The following AGO2 variants were observed in gnomAD, a reference collection of about 807,000 sequenced individuals.
The protein encoded by AGO2 is protein argonaute-2.
AGO2 carries 5 observed loss-of-function variants against 102.3 expected under a neutral mutation model. The ratio of observed to expected loss-of-function variants is 0.05; its 90% CI spans 0.03 to 0.10. The LOEUF (loss-of-function observed/expected upper bound fraction) is 0.10. AGO2 is among the 10% of genes least tolerant of loss of function. AGO2 has a pLI of 1.00. For synonymous variants in AGO2, 449 were observed against 473.1 expected (o/e 0.95, Z 0.66); for missense variants, 541 against 1,183.7 (o/e 0.46, Z 7.97).
intron 1 of AGO2, among the ~76,000 whole-genome samples, chr8:140,610,128 C>T (rs930500049): frequency 2.6e-5 from 4 of 151,766 alleles, no homozygotes; most frequent in African/African-American, 9.7e-5. Context: ...TTGCTTGAGC[C>T]AGGGATGTTG....
At position 140,524,972 on chromosome 8, in the gene AGO2, G is replaced by A. The variant is rs1470705594; in HGVS notation, c.*7072C>T. On this transcript the variant is annotated 3_prime_UTR_variant, in exon 19 of 19. Transcript: ENST00000220592. ...GAAAGAGTTAATATTTGGTGTTTTA[G>A]CTTTAACTCTGAACTACTTAAATCC... The A allele has an allele frequency of 6.6e-6, 1 of 152,148 alleles. No homozygotes were observed. The highest frequency in any genetic ancestry group is 1.5e-5 in the Non-Finnish European group (1 of 68,028). The allele number at this position is 152,148 out of a possible 1,614,324, so 9.4% of individuals were successfully genotyped here. A position where few individuals can be genotyped will look rare whatever the true frequency, so the allele number is the denominator to read the frequency against.
chr8:140,604,847 C>T (rs2073975825), intron 1 of AGO2, among the ~76,000 whole-genome samples: 1 of 151,102 alleles, frequency 6.6e-6, no homozygotes, highest in Non-Finnish European at 1.5e-5. Flanking sequence ...AAGGCATTTT[C>T]AAGACAACTG....
intron 1 of AGO2, among the ~76,000 whole-genome samples, chr8:140,595,156 A>G (rs537742683): frequency 1.2e-4 from 19 of 152,328 alleles, no homozygotes; most frequent in Admixed American, 3.9e-4. Flanking sequence ...AAAGACTGAG[A>G]AGGACTGAAA....
At chr8:140,578,790 AAAGGGCAGCGCCAAGCAGCACCCCGC>A (rs1327002010) in intron 2 of AGO2, among the ~76,000 whole-genome samples, 4 of 152,216 alleles carry the variant, frequency 2.6e-5, no homozygotes, top group Admixed American at 1.3e-4. Context: ...CCACCCAGGG[AAAGGGCAGCGCCAAGCAGCACCCCGC>A]ACGGGGCCGG....
At chr8:140,559,597 G>C in intron 5 of AGO2, 68 bp from the exon 6 acceptor site, 1 of 1,587,512 alleles carries the variant, frequency 6.3e-7, no homozygotes, top group Non-Finnish European at 8.6e-7. Context: ...CCATAGTCCT[G>C]GAGGGGCCTC....
intron 1 of AGO2, among the ~76,000 whole-genome samples, chr8:140,610,045 AAAAAAAAAG>A (rs2074056316): frequency 1.7e-5 from 2 of 118,116 alleles, no homozygotes; most frequent in African/African-American, 5.9e-5. Flanking sequence ...AAAAAAAAAA[AAAAAAAAAG>A]AAAAGCCAGG....
intron 1 of AGO2, among the ~76,000 whole-genome samples, chr8:140,586,447 C>T (rs1342076989): frequency 1.3e-5 from 2 of 152,218 alleles, no homozygotes; most frequent in African/African-American, 4.8e-5. Context: ...GATCATGCCA[C>T]TGCACTCCAG....
chr8:140,576,158 C>T (rs1003179433), intron 2 of AGO2, among the ~76,000 whole-genome samples: 1 of 152,054 alleles, frequency 6.6e-6, no homozygotes, highest in Non-Finnish European at 1.5e-5. Flanking sequence ...ACTAAAAATA[C>T]AAAAAATTAG....
chr8:140,533,665 T>C (rs914687476), intron 17 of AGO2, among the ~76,000 whole-genome samples: 3 of 151,176 alleles, frequency 2.0e-5, no homozygotes, highest in African/African-American at 4.9e-5. Flanking sequence ...AAATTAGCCA[T>C]GTGTGGTTGC....
At chr8:140,637,852 A>AT (rs1380070030), upstream of AGO2, 4 of 151,848 alleles carry the variant, frequency 2.6e-5, no homozygotes, top group South Asian at 2.1e-4. Context: ...CTCTCCTGCC[A>AT]TTAGTGAACC....
chr8:140,537,935 C>T (rs1183944967), intron 16 of AGO2, among the ~76,000 whole-genome samples: 1 of 152,198 alleles, frequency 6.6e-6, no homozygotes, highest in Non-Finnish European at 1.5e-5. Context: ...TCTCTTGCCT[C>T]AGCCTCCCGA....
chr8:140,636,048 C>T (rs1015754603), upstream of AGO2, among the ~76,000 whole-genome samples: 74 of 151,386 alleles, frequency 4.9e-4, no homozygotes, highest in Admixed American at 2.1e-3. Context: ...GCCACGCGCC[C>T]CCGCTTTCCC....
chr8:140,556,389 T>G (rs981439025), intron 8 of AGO2, 103 bp from the exon 9 acceptor site: 2 of 1,433,264 alleles, frequency 1.4e-6, no homozygotes, highest in African/African-American at 1.4e-5. Flanking sequence ...CTTGGGACCG[T>G]CTCTGCCTCA....
intron 1 of AGO2, among the ~76,000 whole-genome samples, chr8:140,603,384 T>A (rs2073956625): frequency 6.6e-6 from 1 of 152,144 alleles, no homozygotes; most frequent in South Asian, 2.1e-4. Context: ...AAAATTCAGA[T>A]AAATTTACCA....
At chr8:140,583,825 A>C (rs566248616) in intron 2 of AGO2, among the ~76,000 whole-genome samples, 1 of 152,356 alleles carries the variant, frequency 6.6e-6, no homozygotes, top group East Asian at 1.9e-4. Context: ...CAGTGAACTG[A>C]GTTCATGCCA....
chr8:140,592,732 G>C (rs2073762135), intron 1 of AGO2: 1 of 152,318 alleles, frequency 6.6e-6, no homozygotes, highest in African/African-American at 2.4e-5. Context: ...CTGGCCTCAA[G>C]TGATCCTCCT....
intron 1 of AGO2, among the ~76,000 whole-genome samples, chr8:140,602,385 C>A (rs1014353714): frequency 4.0e-4 from 61 of 152,226 alleles, no homozygotes; most frequent in African/African-American, 1.5e-3. Flanking sequence ...CATTTCGACT[C>A]AGCATTTCCT....
rs188322972 is a variant in AGO2, at chr8:140,539,967, G to C, written c.2035-513C>G. Among the ~76,000 whole-genome samples the C allele has an allele frequency of 2.0e-5, 3 of 152,246 alleles. No homozygotes were observed. The highest frequency in any genetic ancestry group is 2.9e-5 in the Non-Finnish European group (2 of 68,004). On this transcript the variant is annotated intron_variant, in intron 15 of 18. Coordinates refer to ENST00000220592, the MANE Select transcript of AGO2 (RefSeq NM_012154.5). This position sits in a 1 kb window ranked among gnomAD's most constrained non-coding sequence, Gnocchi z 4.7. ...CTGGGCGTGGTGGTGGGCACCTGTC[G>C]TAATCCCAGCTACTCCGGAGGCAGA...
chr8:140,615,676 T>C (rs11989777), intron 1 of AGO2, among the ~76,000 whole-genome samples: 5,861 of 152,328 alleles, frequency 0.038, 379 homozygotes, highest in African/African-American at 0.13. Context: ...AAATGAAACT[T>C]TTACCACGCT....
Sources: allele counts gnomAD v4.1 joint callset (sites outside exome capture counted in the v4.1 genomes callset), GRCh38; gene constraint gnomAD v4.1.1; non-coding constraint Gnocchi (gnomAD v3.1); transcripts MANE v1.5; gene names NCBI Gene and HGNC (gene_info 2026-07-23, HGNC 2026-07-21).